Variants in CTNNA3 observed in about 807,000 individuals in gnomAD.
The protein encoded by CTNNA3 is catenin alpha 3, also known as catenin alpha-3.
A neutral mutation model predicts 95.7 loss-of-function variants in CTNNA3; 76 were observed. The observed-to-expected ratio is 0.79, with a 90% CI of 0.66 to 0.96. The LOEUF (loss-of-function observed/expected upper bound fraction) is 0.96. Ranked by LOEUF, CTNNA3 falls within the 40% of genes least tolerant of loss-of-function variation. The pLI, the probability that CTNNA3 is intolerant of heterozygous loss-of-function variation, is 0.00. For synonymous variants in CTNNA3, 431 were observed against 374.4 expected (o/e 1.15, Z -1.74); for missense variants, 1,191 against 1,089.8 (o/e 1.09, Z -1.31).
At chr10:66,019,822 T>C (rs1018576387) in intron 15 of CTNNA3, among the ~76,000 whole-genome samples, 2 of 152,212 alleles carry the variant, frequency 1.3e-5, no homozygotes, top group East Asian at 3.9e-4. Context: ...ATGTTAACTT[T>C]TTTTGTTTTC....
At chr10:67,062,968 G>T (rs560706599) in intron 7 of CTNNA3, among the ~76,000 whole-genome samples, 13 of 151,846 alleles carry the variant, frequency 8.6e-5, no homozygotes, top group African/African-American at 2.9e-4. Flanking sequence ...AGAGTTAATC[G>T]TTTTGTTTTT....
chr10:66,088,601 A>C (rs2081085291), intron 14 of CTNNA3, among the ~76,000 whole-genome samples: 1 of 149,506 alleles, frequency 6.7e-6, no homozygotes, highest in Non-Finnish European at 1.5e-5. Flanking sequence ...GAAGACAAAG[A>C]GAATGCACTT....
chr10:67,275,613 G>GA (rs1839157294), intron 5 of CTNNA3, among the ~76,000 whole-genome samples: 1 of 151,910 alleles, frequency 6.6e-6, no homozygotes, highest in Non-Finnish European at 1.5e-5. Flanking sequence ...TAATGAAATG[G>GA]AAAAAATCAA....
chr10:66,454,191 ACCTTGATTTAGT>A (rs1213682023), intron 11 of CTNNA3, among the ~76,000 whole-genome samples: 1 of 152,204 alleles, frequency 6.6e-6, no homozygotes, highest in Non-Finnish European at 1.5e-5. Flanking sequence ...CCTTGCTGAC[ACCTTGATTTAGT>A]CCTGTGTAAC....
At chr10:67,119,644 G>A (rs1859362688) in intron 7 of CTNNA3, among the ~76,000 whole-genome samples, 1 of 151,798 alleles carries the variant, frequency 6.6e-6, no homozygotes, top group Non-Finnish European at 1.5e-5. Flanking sequence ...AGTATCTATG[G>A]GTTTTTGTGC....
intron 5 of CTNNA3, among the ~76,000 whole-genome samples, chr10:67,320,910 T>G (rs1841292666): frequency 6.6e-6 from 1 of 152,216 alleles, no homozygotes; most frequent in African/African-American, 2.4e-5. Context: ...CCTAAAGTAG[T>G]TATTTTAGCT....
intron 2 of CTNNA3, among the ~76,000 whole-genome samples, chr10:67,621,758 A>AAG (rs1843853939): frequency 1.3e-5 from 2 of 149,022 alleles, no homozygotes; most frequent in African/African-American, 2.5e-5. Flanking sequence ...CAAAAAAAAA[A>AAG]AAAAGAAAAG....
intron 7 of CTNNA3, among the ~76,000 whole-genome samples, chr10:66,783,515 A>G (rs1840621832): frequency 6.6e-6 from 1 of 152,134 alleles, no homozygotes; most frequent in South Asian, 2.1e-4. Flanking sequence ...CTGACCCAGC[A>G]GCCAGCTTTA....
chr10:66,091,181 C>T (rs1440304266), intron 14 of CTNNA3, among the ~76,000 whole-genome samples: 1 of 151,876 alleles, frequency 6.6e-6, no homozygotes, highest in Non-Finnish European at 1.5e-5. Flanking sequence ...AAAGCAGAGA[C>T]ATACTTGCTA....
chr10:66,672,871 C>T (rs73320005), intron 9 of CTNNA3, among the ~76,000 whole-genome samples: 2,373 of 152,066 alleles, frequency 0.016, 55 homozygotes, highest in African/African-American at 0.055. Context: ...GATTGATCAG[C>T]CTTCTTTCAT....
At chr10:66,046,290 T>C (rs1004538151) in intron 15 of CTNNA3, among the ~76,000 whole-genome samples, 1 of 152,172 alleles carries the variant, frequency 6.6e-6, no homozygotes, top group Non-Finnish European at 1.5e-5. Context: ...TACCAGGGCC[T>C]TCAGTCTGAC....
intron 13 of CTNNA3, among the ~76,000 whole-genome samples, chr10:66,108,100 A>G (rs1408010841): frequency 6.6e-6 from 1 of 152,098 alleles, no homozygotes; most frequent in Non-Finnish European, 1.5e-5. Context: ...ATTTCATTCC[A>G]GCTGAGGTAG....
intron 7 of CTNNA3, among the ~76,000 whole-genome samples, chr10:67,140,847 A>G (rs1333042806): frequency 6.6e-6 from 1 of 152,206 alleles, no homozygotes; most frequent in Non-Finnish European, 1.5e-5. Flanking sequence ...CCACCACAGT[A>G]GCCTGCATGA....
In CTNNA3 at chr10:66,028,416, T is replaced by C. The variant is rs539787566; in HGVS notation, c.2160-39619A>G. 5.3e-5 allele frequency among the ~76,000 whole-genome samples: 8 copies of C among 152,240 alleles called. No individual in the cohort carries two copies. In the South Asian group the frequency reaches 1.7e-3, roughly 32 times the overall value. On this transcript the variant is annotated intron_variant, in intron 15 of 17. Transcript: ENST00000433211. ...TGCACCATGGAATACTATGCAGCCA[T>C]AAAAAATGATGAGTTCATGTCCTTT...
At chr10:66,002,676 T>C (rs1408395045) in intron 15 of CTNNA3, among the ~76,000 whole-genome samples, 2 of 152,112 alleles carry the variant, frequency 1.3e-5, no homozygotes, top group African/African-American at 4.8e-5. Flanking sequence ...CCCCTAAGGC[T>C]CCAGAACCCT....
At chr10:67,004,463 T>A (rs1851861279) in intron 7 of CTNNA3, among the ~76,000 whole-genome samples, 1 of 151,922 alleles carries the variant, frequency 6.6e-6, no homozygotes, top group Non-Finnish European at 1.5e-5. Context: ...TGATACTTCA[T>A]CTCTGTTAGC....
chr10:66,389,201 TCTC>T (rs1422656514), intron 11 of CTNNA3, among the ~76,000 whole-genome samples: 1 of 150,530 alleles, frequency 6.6e-6, no homozygotes, highest in African/African-American at 2.5e-5. Context: ...CATTTGGTTC[TCTC>T]CTCAAAAATT....
intron 7 of CTNNA3, among the ~76,000 whole-genome samples, chr10:66,885,580 G>A (rs905147540): frequency 3.3e-5 from 5 of 151,978 alleles, no homozygotes; most frequent in Non-Finnish European, 7.4e-5. Context: ...AAGATAATAG[G>A]ATATACTACC....
chr10:66,186,498 A>G (rs947530950), intron 13 of CTNNA3, among the ~76,000 whole-genome samples: 1 of 152,192 alleles, frequency 6.6e-6, no homozygotes, highest in South Asian at 2.1e-4. Context: ...TTGATGCTTC[A>G]CATTGATAAT....
Sources: allele counts gnomAD v4.1 joint callset (sites outside exome capture counted in the v4.1 genomes callset), GRCh38; gene constraint gnomAD v4.1.1; transcripts MANE v1.5; gene names NCBI Gene and HGNC (gene_info 2026-07-23, HGNC 2026-07-21).